ZNF485: variants seen among roughly 807,000 people sequenced by gnomAD.
The protein encoded by ZNF485 is zinc finger protein 485, also known as Zinc finger protein 93 (Zinc finger protein HTF34).
Under a neutral mutation model 10.8 loss-of-function variants are expected in ZNF485, and 9 were observed. The observed-to-expected ratio is 0.83, with a 90% CI of 0.50 to 1.45. The LOEUF (loss-of-function observed/expected upper bound fraction) is 1.45, where lower values mean the gene tolerates loss of function less well. Ranked by LOEUF, ZNF485 falls within the 40% of genes most tolerant of loss-of-function variation. The pLI, the probability that ZNF485 is intolerant of heterozygous loss-of-function variation, is 0.00. For synonymous variants in ZNF485, 187 were observed against 181.0 expected, an observed-to-expected ratio of 1.03 and a Z score of -0.27; for missense variants, 487 against 528.0, an observed-to-expected ratio of 0.92 and a Z score of 0.76.
intron 1 of ZNF485, 127 bp from the exon 2 acceptor site, chr10:43,606,870 C>T (rs1386925380): frequency 7.6e-6 from 5 of 654,566 alleles, no homozygotes; most frequent in Non-Finnish European, 1.1e-5. Context: ...TCTTCCCGAG[C>T]GTACCCACCT....
chr10:43,609,114 T>C (rs1838715383), intron 3 of ZNF485, 141 bp from the exon 4 acceptor site: 1 of 680,414 alleles, frequency 1.5e-6, no homozygotes, highest in Non-Finnish European at 2.5e-6. Context: ...CCTCTAGGCC[T>C]CTCTGACCTG....
At position 43,606,539 on chromosome 10, in the gene ZNF485, T is replaced by C. The variant is rs1172781589; in HGVS notation, c.-62T>C. 1 of 308,596 alleles carries C rather than the reference T, an allele frequency of 3.2e-6. No individual in the cohort carries two copies. Among genetic ancestry groups the C allele is most frequent in the African/African-American group, 2.2e-5 (1 of 45,342 alleles). The allele number at this position is 308,596 out of a possible 1,614,324, so 19.1% of individuals were successfully genotyped here. A position where few individuals can be genotyped will look rare whatever the true frequency, so the allele number is the denominator to read the frequency against. Reference sequence around the variant, plus strand: ...CGTGCAGCTCCGCAGCCCTGCCGGCTCGGTTCGGTTCGTGAGCGGCCGGGG... The same window carrying C: ...CGTGCAGCTCCGCAGCCCTGCCGGCCCGGTTCGGTTCGTGAGCGGCCGGGG... On this transcript the variant is annotated 5_prime_UTR_variant, in exon 1 of 5. Transcript: ENST00000361807.
intron 4 of ZNF485, among the ~76,000 whole-genome samples, chr10:43,612,986 G>A (rs190259557): frequency 6.8e-4 from 104 of 152,154 alleles, no homozygotes; most frequent in African/African-American, 2.4e-3. Flanking sequence ...GTTATATTCA[G>A]TAGGTTACAG....
chr10:43,606,857 C>G, intron 1 of ZNF485, 140 bp from the exon 2 acceptor site: 1 of 637,886 alleles, frequency 1.6e-6, no homozygotes, highest in Non-Finnish European at 2.7e-6. Context: ...GTTCCCTTTC[C>G]TTTCTTCCCG....
At chr10:43,609,418 AG>A in intron 4 of ZNF485, 68 bp downstream of exon 4, 1 of 1,273,594 alleles carries the variant, frequency 7.9e-7, no homozygotes, top group Non-Finnish European at 1.1e-6. Flanking sequence ...CCTGAGTGGA[AG>A]CTCATCTTTG....
chr10:43,613,107 T>G (rs966622369), intron 4 of ZNF485, among the ~76,000 whole-genome samples: 2 of 152,204 alleles, frequency 1.3e-5, no homozygotes, highest in Non-Finnish European at 2.9e-5. Flanking sequence ...CTTAAAGCCT[T>G]TAAAAAAATT....
chr10:43,614,960 G>A (rs888346960), intron 4 of ZNF485, among the ~76,000 whole-genome samples: 4 of 152,064 alleles, frequency 2.6e-5, no homozygotes, highest in South Asian at 4.1e-4. Flanking sequence ...GTGTCTTCAC[G>A]TTGCCAGCTT....
intron 4 of ZNF485, among the ~76,000 whole-genome samples, chr10:43,610,502 T>C (rs1032516092): frequency 6.6e-6 from 1 of 152,238 alleles, no homozygotes; most frequent in African/African-American, 2.4e-5. Context: ...TGTTTAACAT[T>C]TCCCCCCTAA....
At position 43,608,678 on chromosome 10, in the gene ZNF485, C is replaced by G. The variant is rs780589094; in HGVS notation, c.89C>G (p.Ala30Gly). Residue 30 changes from alanine to glycine, a missense_variant, in exon 3 of 5, where the codon GCT becomes GGT. Transcript: ENST00000361807. ...FTRIEWRHLD[A>G]AQRALYRDVM... ...CGGATTGAGTGGAGACACCTGGATG[C>G]TGCTCAGCGGGCCCTGTACAGGGAT... 2.4e-5 allele frequency: 38 copies of G among 1,614,110 alleles called. 1 individual carries two copies. Among genetic ancestry groups the G allele is most frequent in the Non-Finnish European group, 2.1e-5 (25 of 1,180,006 alleles).
In ZNF485 at chr10:43,616,934, A is replaced by C. The variant is rs747352472; in HGVS notation, c.891A>C (p.Pro297=). The C allele has an allele frequency of 6.2e-7, 1 of 1,614,154 alleles. No homozygotes were observed. Among genetic ancestry groups the C allele is most frequent in the Non-Finnish European group, 8.5e-7 (1 of 1,180,044 alleles). The change falls in exon 5 of 5, where the codon CCA becomes CCC. Residue 297 remains proline (P), a synonymous_variant. Coordinates refer to ENST00000361807, the MANE Select transcript of ZNF485 (RefSeq NM_145312.4). ...EHQKIHTGEK[P]YQCNECGKAF... is the part of the protein sequence containing the mutation. ...AGAAAATCCATACTGGTGAGAAGCC[A>C]TATCAGTGTAATGAATGTGGAAAAG...
rs1193314548 is a variant in ZNF485, at chr10:43,608,755, C to T, written c.151+15C>T. ...GGTGTCTGTGGGTGAGGATGGCTTTCTCCTTGACTCAGGATTGGTCTGCTG... is the reference window on the plus strand; with the variant it reads ...GGTGTCTGTGGGTGAGGATGGCTTTTTCCTTGACTCAGGATTGGTCTGCTG... On this transcript the variant is annotated intron_variant, in intron 3 of 4. Transcript: ENST00000361807. 1 of 1,612,826 alleles carries T rather than the reference C, an allele frequency of 6.2e-7. No homozygotes were observed. Among genetic ancestry groups the T allele is most frequent in the East Asian group, 2.2e-5 (1 of 44,868 alleles).
At chr10:43,609,576 C>A (rs955164728) in intron 4 of ZNF485, among the ~76,000 whole-genome samples, 1 of 152,232 alleles carries the variant, frequency 6.6e-6, no homozygotes, top group African/African-American at 2.4e-5. Context: ...TGCCATCTCC[C>A]AGCCTTCTGA....
intron 4 of ZNF485, among the ~76,000 whole-genome samples, chr10:43,615,230 G>C (rs929669797): frequency 6.6e-6 from 1 of 152,104 alleles, no homozygotes; most frequent in African/African-American, 2.4e-5. Context: ...TATAAGAAAA[G>C]CGCATTTAGT....
chr10:43,613,125 A>G (rs1358498544), intron 4 of ZNF485, among the ~76,000 whole-genome samples: 1 of 152,250 alleles, frequency 6.6e-6, no homozygotes, highest in East Asian at 1.9e-4. Context: ...ATTAACACAT[A>G]TATAGAAAAG....
chr10:43,610,523 A>G (rs1468481467), intron 4 of ZNF485, among the ~76,000 whole-genome samples: 1 of 152,084 alleles, frequency 6.6e-6, no homozygotes, highest in Non-Finnish European at 1.5e-5. Context: ...ATTCTTGTGT[A>G]GATTCTTTAT....
At chr10:43,609,435 C>A in intron 4 of ZNF485, 85 bp downstream of exon 4, 1 of 1,049,730 alleles carries the variant, frequency 9.5e-7, no homozygotes, top group South Asian at 1.4e-5. Context: ...CTTTGAGTGC[C>A]CTGTTGGTGC....
At chr10:43,611,065 G>A (rs1432912916) in intron 4 of ZNF485, among the ~76,000 whole-genome samples, 2 of 151,998 alleles carry the variant, frequency 1.3e-5, no homozygotes, top group Non-Finnish European at 2.9e-5. Flanking sequence ...TGGAGACAGA[G>A]TCTCACTGTT....
intron 3 of ZNF485, among the ~76,000 whole-genome samples, 195 bp from the exon 4 acceptor site, chr10:43,609,060 C>A (rs1838714422): frequency 6.6e-6 from 1 of 152,050 alleles, no homozygotes; most frequent in South Asian, 2.1e-4. Flanking sequence ...GACTTTGCCC[C>A]CTCCCTTTGC....
chr10:43,616,409 C>CAGA lies in ZNF485; in HGVS notation c.369_371dup (p.Arg123dup), dbSNP rs1838857457. On this transcript the variant is annotated inframe_insertion, in exon 5 of 5. Transcript: ENST00000361807. ...TGGAAAAAGGCCTGGACTGGGAGGG[C>CAGA]AGAAGCTCCACAGAGAAGAACTATA... 6.2e-7 allele frequency: 1 copy of CAGA among 1,614,036 alleles called. No individual in the cohort carries two copies. The highest frequency in any genetic ancestry group is 1.3e-5 in the African/African-American group (1 of 74,924).
Sources: allele counts gnomAD v4.1 joint callset (sites outside exome capture counted in the v4.1 genomes callset), GRCh38; gene constraint gnomAD v4.1.1; transcripts MANE v1.5; gene names NCBI Gene and HGNC (gene_info 2026-07-23, HGNC 2026-07-21).